The following ZFHX3 variants were observed in gnomAD, a reference collection of about 807,000 sequenced individuals.
ZFHX3 encodes the protein zinc finger homeobox 3.
Under a neutral mutation model 279.1 loss-of-function variants are expected in ZFHX3, and 42 were observed. That is an observed-to-expected ratio of 0.15 (90% CI 0.12 to 0.19). ZFHX3 has a LOEUF of 0.19. ZFHX3 is among the 10% of genes least tolerant of loss of function. The probability of loss-of-function intolerance (pLI) is 1.00; values close to 1 mark genes in which losing one functional copy is unlikely to be tolerated. For missense variants in ZFHX3, 4,981 were observed against 4,754.0 expected (o/e 1.05, Z -1.40); for synonymous variants, 2,293 against 1,957.8 (o/e 1.17, Z -4.52).
chr16:73,734,287 T>C (rs1166674609), intron 1 of ZFHX3, among the ~76,000 whole-genome samples: 1 of 152,186 alleles, frequency 6.6e-6, no homozygotes, highest in Non-Finnish European at 1.5e-5. Flanking sequence ...TATCTCAAAT[T>C]GCCAAAGAAT....
intron 4 of ZFHX3, among the ~76,000 whole-genome samples, chr16:73,300,308 T>C (rs1239710436): frequency 6.7e-6 from 1 of 148,976 alleles, no homozygotes; most frequent in East Asian, 2.0e-4. Context: ...TGCCCCATTA[T>C]AGAAAATAAA....
At chr16:72,940,913 A>G (rs1215839208) in intron 3 of ZFHX3, among the ~76,000 whole-genome samples, 1 of 152,242 alleles carries the variant, frequency 6.6e-6, no homozygotes, top group Middle Eastern at 3.2e-3. Context: ...ATTAGTCCCA[A>G]TTTAAACCTA....
intron 6 of ZFHX3, among the ~76,000 whole-genome samples, chr16:73,142,146 CCT>C (rs1966849192): frequency 6.6e-6 from 1 of 152,298 alleles, no homozygotes; most frequent in Non-Finnish European, 1.5e-5. Context: ...TTTACTTCCC[CCT>C]CTGTTTCCTC....
chr16:73,608,114 C>A (rs1334791757), intron 2 of ZFHX3, among the ~76,000 whole-genome samples: 1 of 151,904 alleles, frequency 6.6e-6, no homozygotes, highest in African/African-American at 2.4e-5. Flanking sequence ...GGGTGTATTT[C>A]ATAAAGATGA....
chr16:73,226,402 C>G (rs1328753767), intron 5 of ZFHX3, among the ~76,000 whole-genome samples: 1 of 152,204 alleles, frequency 6.6e-6, no homozygotes, highest in Non-Finnish European at 1.5e-5. Flanking sequence ...ATGTTTAAAG[C>G]GCATGCTATT....
At chr16:73,176,631 A>T (rs1967672570) in intron 5 of ZFHX3, among the ~76,000 whole-genome samples, 1 of 146,758 alleles carries the variant, frequency 6.8e-6, no homozygotes, top group African/African-American at 2.6e-5. Context: ...TTTTTCCTTA[A>T]ACCTCCATGC....
intron 4 of ZFHX3, among the ~76,000 whole-genome samples, chr16:72,863,515 G>GAC (rs1303528933): frequency 6.7e-6 from 1 of 148,346 alleles, no homozygotes; most frequent in African/African-American, 2.6e-5. Flanking sequence ...CAGAGAGAGA[G>GAC]AGAGACAGAG....
At chr16:73,834,228 T>C (rs1332575822) in intron 1 of ZFHX3, among the ~76,000 whole-genome samples, 2 of 152,220 alleles carry the variant, frequency 1.3e-5, no homozygotes, top group East Asian at 3.9e-4. Context: ...ATGAAACACA[T>C]TTCTTCATCT....
chr16:73,694,073 A>T (rs1171998722), intron 1 of ZFHX3, among the ~76,000 whole-genome samples: 1 of 151,272 alleles, frequency 6.6e-6, no homozygotes, highest in Non-Finnish European at 1.5e-5. Context: ...CTGTAATCCC[A>T]GCACCTTGGG....
At chr16:72,851,872 T>C (rs979609742) in intron 4 of ZFHX3, among the ~76,000 whole-genome samples, 2 of 152,168 alleles carry the variant, frequency 1.3e-5, no homozygotes, top group Non-Finnish European at 2.9e-5. Flanking sequence ...TAAAATGCTG[T>C]AATAATAAGG....
chr16:72,883,028 GTGTGT>G (rs2038531455), intron 4 of ZFHX3, among the ~76,000 whole-genome samples: 2 of 148,112 alleles, frequency 1.4e-5, no homozygotes, highest in Admixed American at 1.4e-4. Context: ...GTGTGTGTGT[GTGTGT>G]GTGTGTGTGT....
chr16:73,416,137 A>C (rs1467427359), intron 3 of ZFHX3, among the ~76,000 whole-genome samples: 1 of 151,186 alleles, frequency 6.6e-6, no homozygotes, highest in African/African-American at 2.4e-5. Context: ...AAAAAAAAAA[A>C]ACAAAAAACG....
chr16:73,702,677 G>A (rs1365090241), intron 1 of ZFHX3, among the ~76,000 whole-genome samples: 3 of 152,104 alleles, frequency 2.0e-5, no homozygotes, highest in Admixed American at 2.0e-4. Context: ...AGATGAGACA[G>A]CGCAGAATTC....
At chr16:73,365,745 T>C (rs2016518249) in intron 3 of ZFHX3, among the ~76,000 whole-genome samples, 1 of 152,158 alleles carries the variant, frequency 6.6e-6, no homozygotes, top group Non-Finnish European at 1.5e-5. Flanking sequence ...AAACACAGCC[T>C]GTAGAAAGTC....
intron 4 of ZFHX3, among the ~76,000 whole-genome samples, chr16:72,844,575 G>A (rs1296155248): frequency 6.6e-6 from 1 of 151,972 alleles, no homozygotes; most frequent in Non-Finnish European, 1.5e-5. Context: ...GAGTGGTGGT[G>A]GGGGGGTGGG....
chr16:73,611,589 A>G (rs1463076921), intron 2 of ZFHX3, among the ~76,000 whole-genome samples: 2 of 152,114 alleles, frequency 1.3e-5, no homozygotes, highest in African/African-American at 2.4e-5. Context: ...GCAACCACAT[A>G]CTCTTCTGTG....
chr16:73,515,581 GGA>G (rs369637291), intron 2 of ZFHX3, among the ~76,000 whole-genome samples: 1 of 149,644 alleles, frequency 6.7e-6, no homozygotes, highest in East Asian at 2.0e-4. Flanking sequence ...AAAGAAAGAG[GGA>G]GAGAGAGAGA....
At chr16:72,936,123 G>A (rs1218373472) in intron 3 of ZFHX3, among the ~76,000 whole-genome samples, 1 of 152,240 alleles carries the variant, frequency 6.6e-6, no homozygotes, top group Non-Finnish European at 1.5e-5. Flanking sequence ...GTGTGAAGCT[G>A]ATGGTAAATG....
chr16:73,819,583 G>A (rs1021032108), intron 1 of ZFHX3, among the ~76,000 whole-genome samples: 3 of 152,112 alleles, frequency 2.0e-5, no homozygotes, highest in African/African-American at 7.2e-5. Flanking sequence ...GGCTGTACCT[G>A]TTGATCTTAA....
Sources: allele counts gnomAD v4.1 joint callset (sites outside exome capture counted in the v4.1 genomes callset), GRCh38; gene constraint gnomAD v4.1.1; transcripts MANE v1.5; gene names NCBI Gene and HGNC (gene_info 2026-07-23, HGNC 2026-07-21).